The following SPP2 variants were observed in gnomAD, a reference collection of about 807,000 sequenced individuals.
The protein encoded by SPP2 is secreted phosphoprotein 2.
In SPP2, 34 loss-of-function variants were observed where a neutral mutation model predicts 28.8. The ratio of observed to expected loss-of-function variants is 1.18; its 90% CI spans 0.90 to 1.57. The LOEUF (loss-of-function observed/expected upper bound fraction) is 1.57. SPP2 is among the 40% of genes most tolerant of loss of function. The pLI is 0.00. For synonymous variants in SPP2, 96 were observed against 89.4 expected, an observed-to-expected ratio of 1.07 and a Z score of -0.42; for missense variants, 269 against 263.9, an observed-to-expected ratio of 1.02 and a Z score of -0.13.
intron 2 of SPP2, among the ~76,000 whole-genome samples, chr2:234,055,690 T>C (rs1251216992): frequency 6.7e-6 from 1 of 150,008 alleles, no homozygotes; most frequent in Non-Finnish European, 1.5e-5. Flanking sequence ...TGAGAAACAC[T>C]CACTATAAAC....
intron 7 of SPP2, among the ~76,000 whole-genome samples, chr2:234,076,381 G>A (rs1690894185): frequency 6.6e-6 from 1 of 151,998 alleles, no homozygotes; most frequent in Non-Finnish European, 1.5e-5. Flanking sequence ...CCCTCTTCAG[G>A]AACCCTTTTC....
intron 2 of SPP2, among the ~76,000 whole-genome samples, chr2:234,056,787 G>A (rs1693616910): frequency 6.6e-6 from 1 of 152,024 alleles, no homozygotes; most frequent in African/African-American, 2.4e-5. Context: ...AATTAATGGT[G>A]AGGTTGAGTT....
intron 3 of SPP2, 130 bp from the exon 4 acceptor site, chr2:234,060,239 T>C: frequency 3.1e-6 from 2 of 640,888 alleles, no homozygotes; most frequent in South Asian, 1.8e-5. Context: ...TTTGAAAAAA[T>C]AAAATGCCTC....
intron 7 of SPP2, among the ~76,000 whole-genome samples, chr2:234,076,452 A>G (rs1690898320): frequency 6.6e-6 from 1 of 151,954 alleles, no homozygotes; most frequent in Admixed American, 6.6e-5. Flanking sequence ...TACTCTAACT[A>G]CTTCCACCCC....
intron 2 of SPP2, among the ~76,000 whole-genome samples, chr2:234,056,661 G>A (rs1411576869): frequency 1.3e-5 from 2 of 152,142 alleles, no homozygotes; most frequent in Non-Finnish European, 2.9e-5. Context: ...TCACCCTGCA[G>A]TGGAGGGCCC....
Position 234,067,244 on chromosome 2 carries a change from A to C in SPP2, c.520A>C (p.Ile174Leu). 6.2e-7 allele frequency: 1 copy of C among 1,614,104 alleles called. No homozygotes were observed. Among genetic ancestry groups the C allele is most frequent in the Non-Finnish European group, 8.5e-7 (1 of 1,179,994 alleles). Residue 174 changes from isoleucine to leucine, a missense_variant, in exon 6 of 8, where the codon ATA (isoleucine) becomes CTA (leucine). Physicochemically the swap from Ile to Leu is conservative, Grantham distance 5. Coordinates refer to ENST00000168148, the MANE Select transcript of SPP2 (RefSeq NM_006944.3). ...TACAGGTCTCATTTCAGACGAGTCC[A>C]TAAGTGAACAATTTTATGATCGGTC... The part of the protein sequence containing the change: ...YLFGLISDES[I>L]SEQFYDRSLG...
At chr2:234,057,098 G>T (rs1002265966) in intron 2 of SPP2, among the ~76,000 whole-genome samples, 1 of 152,120 alleles carries the variant, frequency 6.6e-6, no homozygotes, top group Non-Finnish European at 1.5e-5. Context: ...TGGGGGTGTT[G>T]TCAGGTACTG....
chr2:234,058,819 A>C lies in SPP2; in HGVS notation c.211-17A>C, dbSNP rs764348584. ...AGAAATGCATTGATCACACTCTGAA[A>C]CTTTATTTTTGTGAAGGTTGAGGTC... On this transcript the variant is annotated splice_polypyrimidine_tract_variant and intron_variant, in intron 2 of 7. Coordinates refer to ENST00000168148, the MANE Select transcript of SPP2 (RefSeq NM_006944.3). 4.3e-6 allele frequency: 7 copies of C among 1,610,832 alleles called. No homozygotes were observed. In the East Asian group the frequency reaches 1.6e-4, roughly 36 times the overall value.
At chr2:234,051,695 C>T (rs1693501094) in intron 2 of SPP2, among the ~76,000 whole-genome samples, 1 of 152,142 alleles carries the variant, frequency 6.6e-6, no homozygotes, top group African/African-American at 2.4e-5. Context: ...AATTTCACTG[C>T]CTTATTATCA....
chr2:234,076,270 T>TC (rs1180834027), intron 7 of SPP2, among the ~76,000 whole-genome samples: 1 of 152,028 alleles, frequency 6.6e-6, no homozygotes, highest in Non-Finnish European at 1.5e-5. Context: ...AGCTGACTGT[T>TC]CTCCCGGGGT....
At position 234,050,806 on chromosome 2, in the gene SPP2, A is replaced by G. The variant is rs764495146; in HGVS notation, c.20A>G (p.Lys7Arg). ...ACAATCATGATTTCCAGAATGGAGA[A>G]GATGACGATGATGATGAAGATATTG... MISRME[K>R]MTMMMKILIM... The change falls in exon 1 of 8, where the codon AAG becomes AGG. Residue 7 changes from lysine (K) to arginine (R), a missense_variant. By Grantham distance (26) the Lys-to-Arg change is conservative. Coordinates refer to ENST00000168148, the MANE Select transcript of SPP2 (RefSeq NM_006944.3). The G allele has an allele frequency of 1.2e-6, 2 of 1,614,016 alleles. No individual in the cohort carries two copies. The highest frequency in any genetic ancestry group is 1.7e-6 in the Non-Finnish European group (2 of 1,179,890).
chr2:234,059,106 G>C (rs1693667360), intron 3 of SPP2, 148 bp downstream of exon 3: 1 of 956,168 alleles, frequency 1.0e-6, no homozygotes, highest in African/African-American at 1.7e-5. Context: ...CCTGGTGGGG[G>C]AAGTGTTACT....
intron 7 of SPP2, among the ~76,000 whole-genome samples, chr2:234,073,549 T>C (rs1055154864): frequency 1.3e-5 from 2 of 152,230 alleles, no homozygotes; most frequent in African/African-American, 4.8e-5. Context: ...TGAAATGTAA[T>C]ATTTAAATAA....
chr2:234,052,537 C>T (rs1655596441), intron 2 of SPP2, among the ~76,000 whole-genome samples: 1 of 152,194 alleles, frequency 6.6e-6, no homozygotes, highest in South Asian at 2.1e-4. Flanking sequence ...GGCACAGCCA[C>T]CAGAGCGTGT....
In SPP2 at chr2:234,067,281, G is replaced by C. The variant is rs762378928; in HGVS notation, c.550+7G>C. On this transcript the variant is annotated splice_region_variant and intron_variant, in intron 6 of 7. Transcript: ENST00000168148. Reference sequence around the variant, plus strand: ...TTTTATGATCGGTCACTTGGTAAGTGATTTCTTTCCTGCTGTGCCACCAGA... The same window carrying C: ...TTTTATGATCGGTCACTTGGTAAGTCATTTCTTTCCTGCTGTGCCACCAGA... The C allele has an allele frequency of 1.1e-5, 17 of 1,613,784 alleles. No individual in the cohort carries two copies. The highest frequency in any genetic ancestry group is 1.4e-5 in the Non-Finnish European group (16 of 1,179,908).
intron 6 of SPP2, among the ~76,000 whole-genome samples, chr2:234,069,192 AAG>A (rs143384388): frequency 0.012 from 1,844 of 149,376 alleles, 18 homozygotes; most frequent in Middle Eastern, 0.049. Context: ...ATTTGAGAGA[AAG>A]AGAGAGAGAG....
intron 6 of SPP2, 32 bp downstream of exon 6, chr2:234,067,306 A>G: frequency 1.2e-6 from 2 of 1,609,452 alleles, no homozygotes; most frequent in Non-Finnish European, 1.7e-6. Flanking sequence ...GTGCCACCAG[A>G]CCCTTTTCTG....
intron 2 of SPP2, among the ~76,000 whole-genome samples, chr2:234,053,894 T>C (rs1160279541): frequency 6.6e-6 from 1 of 150,552 alleles, no homozygotes; most frequent in African/African-American, 2.4e-5. Flanking sequence ...GAGCAGTTTC[T>C]ACCAGGGAAA....
At position 234,056,946 on chromosome 2, in the gene SPP2, T is replaced by C. The variant is rs183274227; in HGVS notation, c.211-1890T>C. Among the ~76,000 whole-genome samples, 5 of 152,196 alleles carry C rather than the reference T, an allele frequency of 3.3e-5. No homozygotes were observed. In the East Asian group the frequency reaches 5.8e-4, roughly 18 times the overall value. ...TGTTCTGCATGTGCCTATTATTCCC[T>C]ACTTGTAAGTAGTTCTCGCTCTCAC... On this transcript the variant is annotated intron_variant, in intron 2 of 7. Coordinates refer to ENST00000168148, the MANE Select transcript of SPP2 (RefSeq NM_006944.3).
Sources: gnomAD v4.1 joint callset for allele counts (sites outside exome capture counted in the v4.1 genomes callset) on GRCh38, gnomAD v4.1.1 for gene constraint, MANE v1.5 for transcripts, NCBI Gene and HGNC (gene_info 2026-07-23, HGNC 2026-07-21) for gene names.